Variants in SCMH1 observed in about 807,000 individuals in gnomAD.
SCMH1 encodes Scm polycomb group protein homolog 1.
In SCMH1, 37 loss-of-function variants were observed where a neutral mutation model predicts 70.8. That is an observed-to-expected ratio of 0.52 (90% CI 0.40 to 0.69). The LOEUF is 0.69. Among genes scored for constraint, SCMH1 ranks in the 30% least tolerant of loss-of-function variants. The pLI is 0.00. For synonymous variants in SCMH1, 292 were observed against 307.4 expected, an observed-to-expected ratio of 0.95 and a Z score of 0.52; for missense variants, 607 against 827.3, an observed-to-expected ratio of 0.73 and a Z score of 3.27.
At chr1:41,214,273 A>C (rs775427088) in intron 1 of SCMH1, among the ~76,000 whole-genome samples, 43 of 152,170 alleles carry the variant, frequency 2.8e-4, no homozygotes, top group Non-Finnish European at 4.7e-4. Context: ...AAGTGACTCT[A>C]TCTCTGCTTT....
At chr1:41,217,005 G>A (rs1658227357) in intron 1 of SCMH1, among the ~76,000 whole-genome samples, 1 of 152,290 alleles carries the variant, frequency 6.6e-6, no homozygotes, top group East Asian at 1.9e-4. Flanking sequence ...CAAGAGTGGT[G>A]CACTACTCTA....
At chr1:41,193,223 C>T (rs908831203) in intron 1 of SCMH1, among the ~76,000 whole-genome samples, 1 of 152,134 alleles carries the variant, frequency 6.6e-6, no homozygotes, top group African/African-American at 2.4e-5. Flanking sequence ...TTTGTGTGGT[C>T]AGTCTCCCAC....
At chr1:41,096,138 T>A (rs999878697) in intron 8 of SCMH1, among the ~76,000 whole-genome samples, 1 of 152,180 alleles carries the variant, frequency 6.6e-6, no homozygotes, top group Non-Finnish European at 1.5e-5. Context: ...ATACTAGCAA[T>A]AATAGGAACA....
chr1:41,185,637 T>A (rs1297458679), intron 2 of SCMH1, among the ~76,000 whole-genome samples: 1 of 110,944 alleles, frequency 9.0e-6, no homozygotes, highest in Non-Finnish European at 2.1e-5. Context: ...TTGTTACAGA[T>A]TTTTTTTTTT....
At chr1:41,190,302 G>T (rs1442910932) in intron 1 of SCMH1, among the ~76,000 whole-genome samples, 1 of 152,208 alleles carries the variant, frequency 6.6e-6, no homozygotes, top group Non-Finnish European at 1.5e-5. Flanking sequence ...GGGATTTCAT[G>T]TAGGAGAGAG....
intron 11 of SCMH1, among the ~76,000 whole-genome samples, chr1:41,046,960 C>T (rs1646952273): frequency 6.6e-6 from 1 of 152,142 alleles, no homozygotes; most frequent in Non-Finnish European, 1.5e-5. Context: ...ACAAGAACTG[C>T]CCAAGAACAG....
rs1645958992 is a variant in SCMH1, at chr1:41,160,847, T to C, written c.106+28A>G. On this transcript the variant is annotated intron_variant, in intron 4 of 14. Coordinates refer to ENST00000337495, the Ensembl canonical transcript of SCMH1. ...CCCTGGTTTACCAATTCCCCTTATT[T>C]AACAGAAACACAAGAAAAATAGCTT... is the stretch of plus-strand genomic sequence containing the variant. The C allele has an allele frequency of 1.9e-6, 3 of 1,547,074 alleles. No individual in the cohort carries two copies. The South Asian group carries it at 3.6e-5, about 18-fold the overall frequency.
At chr1:41,186,429 G>A (rs1279716178) in intron 1 of SCMH1, among the ~76,000 whole-genome samples, 179 bp from the exon 2 acceptor site, 1 of 152,144 alleles carries the variant, frequency 6.6e-6, no homozygotes, top group Non-Finnish European at 1.5e-5. Context: ...ACCACAGGTT[G>A]AATTTAATTA....
chr1:41,027,791 G>T (rs888987593), exon 15 of SCMH1: 8 of 180,124 alleles, frequency 4.4e-5, no homozygotes, highest in Non-Finnish European at 6.9e-5. Context: ...CACGAGTTTG[G>T]ATTCAGGGGA....
chr1:41,151,314 T>C (rs1645056302), intron 5 of SCMH1, among the ~76,000 whole-genome samples: 1 of 152,232 alleles, frequency 6.6e-6, no homozygotes, highest in Non-Finnish European at 1.5e-5. Flanking sequence ...TATAACTCTC[T>C]TTCCTGTCCG....
chr1:41,096,509 C>T (rs1052787005), intron 8 of SCMH1, among the ~76,000 whole-genome samples: 3 of 152,180 alleles, frequency 2.0e-5, no homozygotes, highest in Non-Finnish European at 4.4e-5. Context: ...ATAGTGAACG[C>T]TCAATAAACC....
At chr1:41,076,558 A>G (rs1221047626) in intron 8 of SCMH1, among the ~76,000 whole-genome samples, 6 of 152,206 alleles carry the variant, frequency 3.9e-5, no homozygotes, top group African/African-American at 1.4e-4. Context: ...ATACGGTATA[A>G]TGTCAGGTAG....
intron 1 of SCMH1, among the ~76,000 whole-genome samples, chr1:41,226,723 A>G (rs1660336957): frequency 6.6e-6 from 1 of 152,238 alleles, no homozygotes; most frequent in Admixed American, 6.5e-5. Flanking sequence ...ACATATATTA[A>G]TCAACCAAAA....
intron 5 of SCMH1, among the ~76,000 whole-genome samples, chr1:41,148,992 C>T (rs1189765625): frequency 2.6e-5 from 4 of 152,084 alleles, no homozygotes; most frequent in African/African-American, 7.2e-5. Context: ...GGGGTTTCAC[C>T]GTGTTAGCCA....
intron 10 of SCMH1, among the ~76,000 whole-genome samples, chr1:41,055,725 C>T (rs879444161): frequency 1.3e-5 from 2 of 152,226 alleles, no homozygotes; most frequent in Non-Finnish European, 2.9e-5. Flanking sequence ...GTGTCTGTTG[C>T]ACCACTGTGT....
chr1:41,083,093 C>T (rs28831723), intron 8 of SCMH1, among the ~76,000 whole-genome samples: 49 of 152,306 alleles, frequency 3.2e-4, no homozygotes, highest in African/African-American at 1.2e-3. Flanking sequence ...CTTACCACTC[C>T]TATTCAACAT....
At chr1:41,150,539 A>G (rs1458366871) in intron 5 of SCMH1, among the ~76,000 whole-genome samples, 1 of 152,122 alleles carries the variant, frequency 6.6e-6, no homozygotes, top group African/African-American at 2.4e-5. Context: ...TTATTAACAT[A>G]TGTTGTCTTT....
At chr1:41,226,274 C>T (rs982314430) in intron 1 of SCMH1, among the ~76,000 whole-genome samples, 1 of 152,120 alleles carries the variant, frequency 6.6e-6, no homozygotes, top group African/African-American at 2.4e-5. Flanking sequence ...TAAAACTACC[C>T]TTTCACCACA....
intron 6 of SCMH1, among the ~76,000 whole-genome samples, chr1:41,127,997 C>G (rs974114876): frequency 6.6e-6 from 1 of 152,204 alleles, no homozygotes; most frequent in African/African-American, 2.4e-5. Flanking sequence ...ACAGCCTCAG[C>G]AGACTACCAC....
Sources: allele counts gnomAD v4.1 joint callset (sites outside exome capture counted in the v4.1 genomes callset), GRCh38; gene constraint gnomAD v4.1.1; transcripts MANE v1.5; gene names NCBI Gene and HGNC (gene_info 2026-07-23, HGNC 2026-07-21).